The following PLA2G2C variants were observed in gnomAD, a reference collection of about 807,000 sequenced individuals.
PLA2G2C encodes putative inactive group IIC secretory phospholipase A2.
In PLA2G2C, 15 loss-of-function variants were observed where a neutral mutation model predicts 14.3. The observed-to-expected ratio is 1.05, with a 90% CI of 0.70 to 1.62. The LOEUF is 1.62. PLA2G2C is among the 40% of genes most tolerant of loss of function. PLA2G2C has a pLI of 0.00. For synonymous variants in PLA2G2C, 79 were observed against 67.7 expected, an observed-to-expected ratio of 1.17 and a Z score of -0.82; for missense variants, 162 against 173.2, an observed-to-expected ratio of 0.94 and a Z score of 0.36.
chr1:20,177,432 C>A lies in PLA2G2C; in HGVS notation c.-69G>T. The A allele has an allele frequency of 1.6e-6, 1 of 611,806 alleles. No homozygotes were observed. The highest frequency in any genetic ancestry group is 1.9e-5 in the South Asian group (1 of 52,734). The allele number at this position is 611,806 out of a possible 1,614,324, so 37.9% of individuals were successfully genotyped here. A position where few individuals can be genotyped will look rare whatever the true frequency, so the allele number is the denominator to read the frequency against. On this transcript the variant is annotated 5_prime_UTR_variant, in exon 2 of 5. Transcript: ENST00000679259. ...CACCTGTGTGTGAGGGGTCTCCCAG[C>A]TGAACCTCTGTTCCAGGACAAAATG...
At position 20,163,730 on chromosome 1, in the gene PLA2G2C, G is replaced by T. The variant is rs906373282; in HGVS notation, c.*261C>A. 3 of 461,672 alleles carry T rather than the reference G, an allele frequency of 6.5e-6. No individual in the cohort carries two copies. Among genetic ancestry groups the T allele is most frequent in the Non-Finnish European group, 1.2e-5 (3 of 258,570 alleles). The allele number at this position is 461,672 out of a possible 1,614,324, so 28.6% of individuals were successfully genotyped here. A position where few individuals can be genotyped will look rare whatever the true frequency, so the allele number is the denominator to read the frequency against. On this transcript the variant is annotated 3_prime_UTR_variant, in exon 5 of 5. Coordinates refer to ENST00000679259, the MANE Select transcript of PLA2G2C (RefSeq NM_001367969.2). ...CTCTTACTTCTATATCCATGCATTTGTAGTCCTCCCCACTCCACAGAATGC... is the reference window on the plus strand; with the variant it reads ...CTCTTACTTCTATATCCATGCATTTTTAGTCCTCCCCACTCCACAGAATGC...
intron 1 of PLA2G2C, among the ~76,000 whole-genome samples, chr1:20,179,968 CAGTTT>C (rs2018255580): frequency 2.0e-5 from 3 of 149,972 alleles, no homozygotes; most frequent in Non-Finnish European, 4.4e-5. Context: ...CCTCGTGTGT[CAGTTT>C]CTCTCTGTGT....
intron 1 of PLA2G2C, among the ~76,000 whole-genome samples, chr1:20,179,001 T>C (rs980402543): frequency 5.9e-5 from 9 of 152,218 alleles, no homozygotes; most frequent in African/African-American, 2.2e-4. Flanking sequence ...AGAACCACTC[T>C]CTGCTGCAGG....
intron 4 of PLA2G2C, among the ~76,000 whole-genome samples, chr1:20,166,672 C>T (rs1378912006): frequency 6.6e-6 from 1 of 152,146 alleles, no homozygotes; most frequent in African/African-American, 2.4e-5. Flanking sequence ...TCTTCTATTC[C>T]ATCTCTTGTT....
At chr1:20,179,561 G>A (rs529674778) in intron 1 of PLA2G2C, among the ~76,000 whole-genome samples, 15 of 148,064 alleles carry the variant, frequency 1.0e-4, no homozygotes, top group African/African-American at 3.5e-4. Context: ...GTCCCTCTGT[G>A]TCAGCTTCTC....
chr1:20,168,703 G>A (rs539655124), intron 4 of PLA2G2C, among the ~76,000 whole-genome samples: 1 of 152,380 alleles, frequency 6.6e-6, no homozygotes, highest in Admixed American at 6.5e-5. Context: ...TGCAGATGAT[G>A]GAGTTTCAGT....
intron 4 of PLA2G2C, among the ~76,000 whole-genome samples, chr1:20,170,007 G>A (rs1299576265): frequency 1.3e-5 from 2 of 152,254 alleles, no homozygotes; most frequent in East Asian, 3.8e-4. Flanking sequence ...GCTAGTGTGA[G>A]ACAGGGCACC....
chr1:20,171,331 C>T (rs1006480357), intron 4 of PLA2G2C, among the ~76,000 whole-genome samples: 15 of 152,186 alleles, frequency 9.9e-5, no homozygotes, highest in African/African-American at 3.6e-4. Context: ...CTTGAGCTCA[C>T]GTGGGGAACA....
intron 4 of PLA2G2C, among the ~76,000 whole-genome samples, chr1:20,169,250 C>T (rs1027072568): frequency 6.6e-6 from 1 of 152,180 alleles, no homozygotes; most frequent in Non-Finnish European, 1.5e-5. Context: ...GCAATCACAG[C>T]TCACTGTGGC....
chr1:20,183,120 A>C (rs1349606111), intron 1 of PLA2G2C, among the ~76,000 whole-genome samples: 1 of 152,254 alleles, frequency 6.6e-6, no homozygotes, highest in African/African-American at 2.4e-5. Context: ...CTGTAAGTGA[A>C]GATGATGCAA....
intron 4 of PLA2G2C, among the ~76,000 whole-genome samples, chr1:20,167,129 C>T (rs570395086): frequency 6.6e-6 from 1 of 152,152 alleles, no homozygotes; most frequent in Non-Finnish European, 1.5e-5. Context: ...TGTCCCAGGC[C>T]CCAGTCTAAG....
chr1:20,166,401 G>C (rs1451211743), intron 4 of PLA2G2C, among the ~76,000 whole-genome samples: 1 of 152,100 alleles, frequency 6.6e-6, no homozygotes, highest in African/African-American at 2.4e-5. Context: ...TAGCGCCTGG[G>C]TGCCCTCTGC....
At chr1:20,184,483 A>T (rs557480959) in intron 1 of PLA2G2C, 4 of 152,352 alleles carry the variant, frequency 2.6e-5, no homozygotes, top group African/African-American at 9.6e-5. Flanking sequence ...AGAGTGTGTG[A>T]GGGGGCAACC....
intron 4 of PLA2G2C, among the ~76,000 whole-genome samples, chr1:20,169,260 C>T (rs2018030481): frequency 6.6e-6 from 1 of 152,144 alleles, no homozygotes. Context: ...CTCACTGTGG[C>T]CTCATCTCCT....
intron 4 of PLA2G2C, among the ~76,000 whole-genome samples, chr1:20,172,041 G>C (rs1370040653): frequency 1.3e-5 from 2 of 152,014 alleles, no homozygotes; most frequent in Non-Finnish European, 2.9e-5. Flanking sequence ...GGGATTACAA[G>C]CGTGAGCCAC....
chr1:20,172,676 C>A, intron 4 of PLA2G2C, 118 bp downstream of exon 4: 1 of 892,654 alleles, frequency 1.1e-6, no homozygotes, highest in Non-Finnish European at 1.7e-6. Flanking sequence ...TCAGGAATAT[C>A]TCCTTCCAAG....
intron 1 of PLA2G2C, among the ~76,000 whole-genome samples, chr1:20,177,776 T>C (rs1455254473): frequency 6.6e-6 from 1 of 152,098 alleles, no homozygotes; most frequent in Non-Finnish European, 1.5e-5. Flanking sequence ...ATAATAGAAA[T>C]CCCACACAGG....
At chr1:20,178,848 CAG>C (rs768193138) in intron 1 of PLA2G2C, among the ~76,000 whole-genome samples, 20 of 151,112 alleles carry the variant, frequency 1.3e-4, no homozygotes, top group Admixed American at 4.6e-4. Context: ...AATAGGTAAA[CAG>C]AGACCAAATA....
intron 2 of PLA2G2C, among the ~76,000 whole-genome samples, chr1:20,176,769 C>A (rs1399918645): frequency 2.0e-5 from 3 of 152,218 alleles, no homozygotes; most frequent in Non-Finnish European, 4.4e-5. Context: ...TCTGGACAAA[C>A]CTCCACTCAA....
Sources: allele counts gnomAD v4.1 joint callset (sites outside exome capture counted in the v4.1 genomes callset), GRCh38; gene constraint gnomAD v4.1.1; transcripts MANE v1.5; gene names NCBI Gene and HGNC (gene_info 2026-07-23, HGNC 2026-07-21).